The following PLA2G4C variants were observed in gnomAD, a reference collection of about 807,000 sequenced individuals.
PLA2G4C encodes cytosolic phospholipase A2 gamma.
A neutral mutation model predicts 73.8 loss-of-function variants in PLA2G4C; 64 were observed. The observed-to-expected ratio is 0.87, with a 90% CI of 0.71 to 1.07. PLA2G4C has a LOEUF of 1.07. Among genes scored for constraint, PLA2G4C ranks in the 50% least tolerant of loss-of-function variants. The probability of loss-of-function intolerance (pLI) is 0.00; values close to 1 mark genes in which losing one functional copy is unlikely to be tolerated. For synonymous variants in PLA2G4C, 254 were observed against 252.1 expected (o/e 1.01, Z -0.07); for missense variants, 622 against 665.4 (o/e 0.93, Z 0.72).
intron 11 of PLA2G4C, among the ~76,000 whole-genome samples, chr19:48,077,059 C>A (rs2030213171): frequency 6.6e-6 from 1 of 152,172 alleles, no homozygotes; most frequent in Non-Finnish European, 1.5e-5. Flanking sequence ...TGACTCCCAA[C>A]CTATGTAGTT....
chr19:48,050,840 A>AT (rs953542692), intron 16 of PLA2G4C, among the ~76,000 whole-genome samples: 5 of 151,300 alleles, frequency 3.3e-5, no homozygotes, highest in Admixed American at 2.6e-4. Flanking sequence ...ATGCCTTGCT[A>AT]TTTTTTTGTA....
chr19:48,090,684 G>A, intron 7 of PLA2G4C: 1 of 448,616 alleles, frequency 2.2e-6, no homozygotes, highest in Non-Finnish European at 4.1e-6. Flanking sequence ...ACTGTAGACT[G>A]GCTACCCCAA....
chr19:48,077,684 C>A, intron 11 of PLA2G4C, 87 bp downstream of exon 11: 2 of 986,128 alleles, frequency 2.0e-6, no homozygotes, highest in Non-Finnish European at 3.0e-6. Context: ...GAATCAGACA[C>A]GTAAAGTTTT....
intron 4 of PLA2G4C, among the ~76,000 whole-genome samples, chr19:48,100,603 T>TC (rs1568452658): frequency 6.2e-4 from 25 of 40,648 alleles, no homozygotes; most frequent in Middle Eastern, 0.024. Context: ...TGACTCCATC[T>TC]AAAAAAAAAA....
At chr19:48,064,210 CCT>C (rs1219055398) in intron 13 of PLA2G4C, among the ~76,000 whole-genome samples, 1 of 152,122 alleles carries the variant, frequency 6.6e-6, no homozygotes, top group Non-Finnish European at 1.5e-5. Context: ...GGGTGGATCA[CCT>C]GAGGTCAGGA....
rs368532875 is a variant in PLA2G4C, at chr19:48,072,071, G to A, written c.1006+2696C>T. ...TGAGGCAGGAGAATCGCTTGAACCC[G>A]GGAGGCAGAGGTTGCAGTGAGCCAA... On this transcript the variant is annotated intron_variant, in intron 12 of 16. Transcript: ENST00000599921. The surrounding 1 kb of genome is among the most constrained non-coding windows in gnomAD (Gnocchi z 4.4). Among the ~76,000 whole-genome samples the A allele has an allele frequency of 1.3e-4, 19 of 151,810 alleles. No individual in the cohort carries two copies. In the South Asian group the frequency reaches 3.8e-3, roughly 30 times the overall value.
intron 8 of PLA2G4C, among the ~76,000 whole-genome samples, chr19:48,089,895 G>A (rs1435331697): frequency 6.6e-6 from 1 of 152,166 alleles, no homozygotes; most frequent in East Asian, 1.9e-4. Context: ...CGACTTGGTG[G>A]ATCTCAGCAA....
intron 5 of PLA2G4C, among the ~76,000 whole-genome samples, 173 bp downstream of exon 5, chr19:48,099,498 A>C (rs2031783360): frequency 1.3e-5 from 2 of 152,192 alleles, no homozygotes; most frequent in South Asian, 2.1e-4. Context: ...TTGCAACCAC[A>C]GTAATCCTGA....
At chr19:48,070,067 G>A (rs1269253515) in intron 12 of PLA2G4C, among the ~76,000 whole-genome samples, 1 of 152,154 alleles carries the variant, frequency 6.6e-6, no homozygotes, top group African/African-American at 2.4e-5. Context: ...ACTGCACCGG[G>A]CCCCTGAGCA....
intron 6 of PLA2G4C, chr19:48,097,811 A>C: frequency 4.0e-6 from 1 of 250,382 alleles, no homozygotes; most frequent in Non-Finnish European, 7.6e-6. Flanking sequence ...TTGAGATGGG[A>C]TCTCACTATG....
chr19:48,057,110 G>A lies in PLA2G4C; in HGVS notation c.1258-2061C>T, dbSNP rs144527036. On this transcript the variant is annotated intron_variant, in intron 14 of 16. Coordinates refer to ENST00000599921, the MANE Select transcript of PLA2G4C (RefSeq NM_003706.3). ...ACAAGTTTACCTATGGAACAAACCT[G>A]TACTTGAACCCCTGAACTTAAAAGT... Among the ~76,000 whole-genome samples, 16 of 152,154 alleles carry A rather than the reference G, an allele frequency of 1.1e-4. No homozygotes were observed. In the East Asian group the frequency reaches 3.1e-3, roughly 29 times the overall value.
chr19:48,102,016 G>A (rs1180615506), intron 4 of PLA2G4C, among the ~76,000 whole-genome samples: 1 of 151,970 alleles, frequency 6.6e-6, no homozygotes, highest in East Asian at 1.9e-4. Context: ...AACTTGGAAT[G>A]CGCTCAGTAT....
At chr19:48,094,592 T>G (rs923741007) in intron 7 of PLA2G4C, among the ~76,000 whole-genome samples, 1 of 152,266 alleles carries the variant, frequency 6.6e-6, no homozygotes, top group Non-Finnish European at 1.5e-5. Flanking sequence ...CAGGTAACAT[T>G]AATGACTTTC....
At chr19:48,061,077 C>G (rs1460292818) in intron 14 of PLA2G4C, among the ~76,000 whole-genome samples, 7 of 152,072 alleles carry the variant, frequency 4.6e-5, no homozygotes, top group Admixed American at 2.6e-4. Context: ...CGCTTGAGGC[C>G]AGGAGTTCAA....
intron 14 of PLA2G4C, among the ~76,000 whole-genome samples, chr19:48,055,732 C>T (rs888833324): frequency 6.6e-6 from 1 of 152,064 alleles, no homozygotes; most frequent in Middle Eastern, 3.2e-3. Flanking sequence ...CCTCCGCCTC[C>T]CTGGTCCAAG....
chr19:48,049,394 G>T (rs1967636807), intron 16 of PLA2G4C, among the ~76,000 whole-genome samples: 1 of 152,090 alleles, frequency 6.6e-6, no homozygotes, highest in Non-Finnish European at 1.5e-5. Flanking sequence ...TTCCTAAAAA[G>T]CTTTCACTTT....
At position 48,106,735 on chromosome 19, in the gene PLA2G4C, G is replaced by A; in HGVS notation, c.-32-174C>T. ...GAGAGAGAGTTTAATAATCTCAGGGGCGGCCAAGCGAGGAGAATGGGAGAA... is the reference window on the plus strand; with the variant it reads ...GAGAGAGAGTTTAATAATCTCAGGGACGGCCAAGCGAGGAGAATGGGAGAA... On this transcript the variant is annotated intron_variant, in intron 1 of 16. Transcript: ENST00000599921. 3 of 575,090 alleles carry A rather than the reference G, an allele frequency of 5.2e-6. No homozygotes were observed. In the East Asian group the frequency reaches 8.8e-5, roughly 17 times the overall value. 35.6% of individuals were successfully genotyped at this position (575,090 alleles called of 1,614,324 possible).
chr19:48,097,834 G>A (rs251686), intron 6 of PLA2G4C: 93,405 of 298,632 alleles, frequency 0.31, 16,604 homozygotes, highest in East Asian at 0.73. Flanking sequence ...GCCCAGGGTG[G>A]TCTCCAACTT....
intron 12 of PLA2G4C, among the ~76,000 whole-genome samples, chr19:48,071,820 T>A (rs905743221): frequency 6.6e-6 from 1 of 152,058 alleles, no homozygotes; most frequent in Non-Finnish European, 1.5e-5. Flanking sequence ...TCCAGGCTAG[T>A]CTTGAATACC....
Sources: gnomAD v4.1 joint callset for allele counts (sites outside exome capture counted in the v4.1 genomes callset) on GRCh38, gnomAD v4.1.1 for gene constraint, Gnocchi (gnomAD v3.1) non-coding constraint, MANE v1.5 for transcripts, NCBI Gene and HGNC (gene_info 2026-07-23, HGNC 2026-07-21) for gene names.